CCDC141: variants seen among roughly 807,000 people sequenced by gnomAD.
CCDC141 encodes coiled-coil domain containing 141.
Under a neutral mutation model 181.0 loss-of-function variants are expected in CCDC141, and 168 were observed. The observed-to-expected ratio is 0.93, with a 90% CI of 0.82 to 1.05. The LOEUF is 1.05. Ranked by LOEUF, CCDC141 falls within the 50% of genes least tolerant of loss-of-function variation. CCDC141 has a pLI of 0.00. For synonymous variants in CCDC141, 666 were observed against 642.3 expected (o/e 1.04, Z -0.56); for missense variants, 1,902 against 1,788.5 (o/e 1.06, Z -1.14).
chr2:179,025,691 A>T (rs1030127270), intron 2 of CCDC141, among the ~76,000 whole-genome samples: 40 of 152,208 alleles, frequency 2.6e-4, no homozygotes, highest in African/African-American at 9.6e-4. Context: ...TGTGGAAGTA[A>T]CTTTGAAACT....
At chr2:179,009,970 G>A (rs1159975181) in intron 2 of CCDC141, among the ~76,000 whole-genome samples, 1 of 152,012 alleles carries the variant, frequency 6.6e-6, no homozygotes, top group Non-Finnish European at 1.5e-5. Flanking sequence ...CAAACATTCA[G>A]GAAACTTTGG....
At chr2:178,969,052 A>G (rs1690760297) in intron 4 of CCDC141, among the ~76,000 whole-genome samples, 1 of 149,984 alleles carries the variant, frequency 6.7e-6, no homozygotes, top group Non-Finnish European at 1.5e-5. Context: ...GAATCCCTGA[A>G]TACACCAATA....
chr2:178,939,715 C>A (rs1689430025), intron 6 of CCDC141, among the ~76,000 whole-genome samples: 1 of 151,926 alleles, frequency 6.6e-6, no homozygotes, highest in Admixed American at 6.6e-5. Flanking sequence ...AGAATCTAAT[C>A]ACTGGGAGGT....
chr2:178,969,307 A>AT lies in CCDC141; in HGVS notation c.526+5749dup, dbSNP rs370149798. On this transcript the variant is annotated intron_variant, in intron 4 of 23. Coordinates refer to ENST00000443758, the MANE Select transcript of CCDC141 (RefSeq NM_173648.4). Reference sequence around the variant, plus strand: ...TGGCAGAGACACAACAAAAAAGAAAATTTTTTTCTTTTAGAGCCCACAAAT... The same window carrying AT: ...TGGCAGAGACACAACAAAAAAGAAAATTTTTTTTCTTTTAGAGCCCACAAAT... 4.9e-3 allele frequency among the ~76,000 whole-genome samples: 747 copies of AT among 151,870 alleles called. 8 individuals carry two copies. The highest frequency in any genetic ancestry group is 0.017 in the African/African-American group (719 of 41,406).
At chr2:178,956,266 G>A (rs1294877238) in intron 5 of CCDC141, among the ~76,000 whole-genome samples, 4 of 152,062 alleles carry the variant, frequency 2.6e-5, no homozygotes, top group Admixed American at 2.6e-4. Flanking sequence ...ATGTAACATA[G>A]GTGTTTTAAG....
At chr2:178,935,044 C>A (rs1045505883) in intron 6 of CCDC141, among the ~76,000 whole-genome samples, 1 of 152,136 alleles carries the variant, frequency 6.6e-6, no homozygotes, top group East Asian at 1.9e-4. Context: ...TGGAAGTTTA[C>A]ACTATGGATG....
At chr2:178,905,231 T>A in intron 8 of CCDC141, 98 bp downstream of exon 8, 1 of 1,139,598 alleles carries the variant, frequency 8.8e-7, no homozygotes, top group Admixed American at 2.8e-5. Flanking sequence ...CAGCAAAACA[T>A]CAGAACCAGA....
chr2:178,936,292 G>T (rs985061481), intron 6 of CCDC141, among the ~76,000 whole-genome samples: 1 of 152,058 alleles, frequency 6.6e-6, no homozygotes, highest in South Asian at 2.1e-4. Context: ...TGTAAGGAAG[G>T]GTTCACCTTT....
At chr2:179,046,524 C>T (rs747724693) in intron 2 of CCDC141, among the ~76,000 whole-genome samples, 1 of 152,210 alleles carries the variant, frequency 6.6e-6, no homozygotes, top group Non-Finnish European at 1.5e-5. Flanking sequence ...GGGTAAAACC[C>T]ATGTCCTTTG....
chr2:178,892,340 C>T (rs1687197073), intron 8 of CCDC141, among the ~76,000 whole-genome samples: 1 of 152,108 alleles, frequency 6.6e-6, no homozygotes, highest in African/African-American at 2.4e-5. Flanking sequence ...ATCCTTTTCT[C>T]GGGAAGAGAA....
chr2:178,961,870 T>C (rs1331020915), intron 4 of CCDC141, among the ~76,000 whole-genome samples: 3 of 152,208 alleles, frequency 2.0e-5, no homozygotes, highest in African/African-American at 7.2e-5. Flanking sequence ...GTGCCTGGTA[T>C]GACCAAACAA....
chr2:178,857,506 A>T (rs1243236176), intron 17 of CCDC141, among the ~76,000 whole-genome samples: 1 of 152,156 alleles, frequency 6.6e-6, no homozygotes, highest in Admixed American at 6.5e-5. Flanking sequence ...TACATAGGGG[A>T]TAGATTTTGA....
At chr2:179,045,050 G>A (rs1682118358) in intron 2 of CCDC141, among the ~76,000 whole-genome samples, 1 of 146,558 alleles carries the variant, frequency 6.8e-6, no homozygotes, top group Admixed American at 6.9e-5. Flanking sequence ...TAGGGTACAT[G>A]TGCACAATAT....
At chr2:178,996,541 T>C (rs1470015704) in intron 2 of CCDC141, among the ~76,000 whole-genome samples, 1 of 152,184 alleles carries the variant, frequency 6.6e-6, no homozygotes, top group East Asian at 1.9e-4. Context: ...TTTCTATATC[T>C]AATAGGGTTG....
chr2:179,043,608 T>G (rs942493560), intron 2 of CCDC141, among the ~76,000 whole-genome samples: 2 of 152,346 alleles, frequency 1.3e-5, no homozygotes, highest in South Asian at 2.1e-4. Flanking sequence ...ACAAAAGGCC[T>G]TTGATAAAAT....
chr2:178,928,740 T>C (rs76762651), intron 6 of CCDC141, among the ~76,000 whole-genome samples: 2,887 of 152,292 alleles, frequency 0.019, 83 homozygotes, highest in East Asian at 0.13. Context: ...CTCAGCCCTT[T>C]CTTAGATGGG....
chr2:179,031,867 C>T (rs529421914), intron 2 of CCDC141, among the ~76,000 whole-genome samples: 10 of 152,138 alleles, frequency 6.6e-5, no homozygotes, highest in African/African-American at 1.2e-4. Context: ...GTTTCAACTA[C>T]GGAAATACTT....
intron 6 of CCDC141, among the ~76,000 whole-genome samples, chr2:178,931,781 A>G (rs1253929634): frequency 6.6e-6 from 1 of 152,186 alleles, no homozygotes; most frequent in Non-Finnish European, 1.5e-5. Flanking sequence ...AAATGTCACT[A>G]ATGATAAATT....
intron 14 of CCDC141, among the ~76,000 whole-genome samples, chr2:178,871,145 G>A (rs1686102721): frequency 6.6e-6 from 1 of 151,900 alleles, no homozygotes; most frequent in South Asian, 2.1e-4. Flanking sequence ...GAAAATATAG[G>A]ATAAATATAT....
Sources: gnomAD v4.1 joint callset for allele counts (sites outside exome capture counted in the v4.1 genomes callset) on GRCh38, gnomAD v4.1.1 for gene constraint, MANE v1.5 for transcripts, NCBI Gene and HGNC (gene_info 2026-07-23, HGNC 2026-07-21) for gene names.